The following GIT2 variants were observed in gnomAD, a reference collection of about 807,000 sequenced individuals.
GIT2 encodes GIT ArfGAP 2, also known as ARF GTPase-activating protein GIT2.
GIT2 carries 32 observed loss-of-function variants against 100.3 expected under a neutral mutation model. The ratio of observed to expected loss-of-function variants is 0.32; its 90% CI spans 0.24 to 0.43. The LOEUF (loss-of-function observed/expected upper bound fraction) is 0.43. Among genes scored for constraint, GIT2 ranks in the 20% least tolerant of loss-of-function variants. The probability of loss-of-function intolerance (pLI) is 1.00; values close to 1 mark genes in which losing one functional copy is unlikely to be tolerated. For missense variants in GIT2, 737 were observed against 975.1 expected (o/e 0.76, Z 3.25); for synonymous variants, 353 against 364.1 (o/e 0.97, Z 0.35).
In GIT2 at chr12:109,947,829, A is replaced by G. The variant is rs1478680299; in HGVS notation, c.1393-325T>C. The G allele has an allele frequency of 3.5e-6, 1 of 289,770 alleles. No homozygotes were observed. Among genetic ancestry groups the G allele is most frequent in the Admixed American group, 4.9e-5 (1 of 20,248 alleles). The allele number at this position is 289,770 out of a possible 1,614,324, so 17.9% of individuals were successfully genotyped here. Reference sequence around the variant, plus strand: ...GGAAATGTTTGCAGGCAAGCTGTACACTGGATTATTACTAAGGCTGTTTCA... The same window carrying G: ...GGAAATGTTTGCAGGCAAGCTGTACGCTGGATTATTACTAAGGCTGTTTCA... On this transcript the variant is annotated intron_variant, in intron 14 of 19. Coordinates refer to ENST00000355312, the MANE Select transcript of GIT2 (RefSeq NM_057169.5). This position sits in a 1 kb window ranked among gnomAD's most constrained non-coding sequence, Gnocchi z 4.3.
At position 109,957,949 on chromosome 12, in the gene GIT2, A is replaced by AT. The variant is rs879779164; in HGVS notation, c.1099+1897dup. 5.0e-3 allele frequency among the ~76,000 whole-genome samples: 724 copies of AT among 145,216 alleles called. 9 individuals carry two copies. The highest frequency in any genetic ancestry group is 0.017 in the African/African-American group (669 of 39,828). On this transcript the variant is annotated intron_variant, in intron 12 of 19. Coordinates refer to ENST00000355312, the MANE Select transcript of GIT2 (RefSeq NM_057169.5). ...TAAGACTTTGTTTTTTAAGTTAAAA[A>AT]TTTTTTTTTTTTTGAAAAGGAGTAT... is the stretch of plus-strand genomic sequence containing the variant.
At chr12:109,939,097 G>C (rs1873859677) in intron 17 of GIT2, 68 bp downstream of exon 17, 1 of 875,042 alleles carries the variant, frequency 1.1e-6, no homozygotes, top group Non-Finnish European at 2.0e-6. Context: ...TGCTTCTGCT[G>C]GCCCAGGCCT....
chr12:109,977,983 TG>T (rs1270184517), intron 7 of GIT2, among the ~76,000 whole-genome samples: 2 of 152,216 alleles, frequency 1.3e-5, no homozygotes, highest in Non-Finnish European at 2.9e-5. Flanking sequence ...AGTTTGATTT[TG>T]ATGTGTCTCA....
At chr12:109,939,857 CAG>C (rs1363155776) in intron 16 of GIT2, 1 of 152,358 alleles carries the variant, frequency 6.6e-6, no homozygotes, top group East Asian at 1.9e-4. Context: ...GCCTGGGAAA[CAG>C]AGTAAGATAA....
At chr12:109,968,468 G>C (rs956760938) in intron 7 of GIT2, among the ~76,000 whole-genome samples, 5 of 152,126 alleles carry the variant, frequency 3.3e-5, no homozygotes, top group African/African-American at 1.2e-4. Context: ...TTGTTGCCCA[G>C]GCTGGAGTGC....
chr12:109,967,170 C>A, intron 8 of GIT2: 1 of 599,474 alleles, frequency 1.7e-6, no homozygotes. Context: ...TCCTATAATA[C>A]AGAAGTATTC....
At chr12:109,994,583 T>G (rs762890864) in intron 1 of GIT2, among the ~76,000 whole-genome samples, 2 of 152,198 alleles carry the variant, frequency 1.3e-5, no homozygotes, top group Admixed American at 6.5e-5. Flanking sequence ...CTCAAGTCTC[T>G]GCAGATTAGG....
At chr12:109,973,592 G>A (rs1050083133) in intron 7 of GIT2, among the ~76,000 whole-genome samples, 4 of 151,806 alleles carry the variant, frequency 2.6e-5, no homozygotes, top group East Asian at 3.9e-4. Flanking sequence ...TTGATTTTTC[G>A]CTACTGTTTC....
Position 109,933,068 on chromosome 12 carries a change from C to G in GIT2, c.2190G>C (p.Leu730=), listed in dbSNP as rs1377325653. The G allele has an allele frequency of 1.2e-6, 2 of 1,613,728 alleles. No individual in the cohort carries two copies. The highest frequency in any genetic ancestry group is 3.3e-5 in the Admixed American group (2 of 60,018). Residue 730 remains leucine (L), a synonymous_variant, in exon 20 of 20, where the codon CTG becomes CTC. Coordinates refer to ENST00000355312, the MANE Select transcript of GIT2 (RefSeq NM_057169.5). This position sits in a 1 kb window ranked among gnomAD's most constrained non-coding sequence, Gnocchi z 4.5. ...GDPGSPTDVQ[L]VTQQVIQCAY... is the part of the protein sequence containing the mutation. ...CACACTGGATGACCTGCTGCGTGAC[C>G]AGCTGAACGTCTGTGGGTGAGCCGG...
At chr12:109,994,075 CAAAAAA>C (rs34393850) in intron 1 of GIT2, among the ~76,000 whole-genome samples, 1 of 59,692 alleles carries the variant, frequency 1.7e-5, no homozygotes. Context: ...ACACTAATGG[CAAAAAA>C]AAAAAAAAAA....
intron 12 of GIT2, among the ~76,000 whole-genome samples, chr12:109,959,154 G>A (rs989335024): frequency 2.7e-5 from 4 of 148,910 alleles, no homozygotes; most frequent in Admixed American, 1.4e-4. Context: ...TGCAACCTCC[G>A]CCTCCCAGGT....
intron 7 of GIT2, among the ~76,000 whole-genome samples, chr12:109,975,115 A>G (rs1884752294): frequency 6.6e-6 from 1 of 152,146 alleles, no homozygotes; most frequent in Non-Finnish European, 1.5e-5. Context: ...TACATGGTAT[A>G]TCTTTTTATA....
chr12:109,932,240 G>C lies in GIT2; in HGVS notation c.*738C>G, dbSNP rs1177236359. On this transcript the variant is annotated 3_prime_UTR_variant, in exon 20 of 20. Transcript: ENST00000355312. The stretch of plus-strand genomic sequence containing the variant: ...AGCACCTGACAATGGGTGGTGATGT[G>C]CGTGGAGCTCCTACCCTGAACATGG... 2 of 152,264 alleles carry C rather than the reference G, an allele frequency of 1.3e-5. No homozygotes were observed. The highest frequency in any genetic ancestry group is 4.8e-5 in the African/African-American group (2 of 41,468). The allele number at this position is 152,264 out of a possible 1,614,324, so 9.4% of individuals were successfully genotyped here. A position where few individuals can be genotyped will look rare whatever the true frequency, so the allele number is the denominator to read the frequency against.
intron 17 of GIT2, 26 bp downstream of exon 17, chr12:109,939,139 C>T (rs1329144899): frequency 3.9e-5 from 59 of 1,494,184 alleles, no homozygotes; most frequent in African/African-American, 1.1e-4. Context: ...AGCCCCTCCC[C>T]TGGCACGCTC....
rs767059062 is a variant in GIT2, at chr12:109,980,959, C to T, written c.711G>A (p.Arg237=). The change falls in exon 7 of 20, where the codon AGG becomes AGA. Residue 237 remains arginine, a synonymous_variant. Transcript: ENST00000355312. ...TDRLAFYLCG[R]KPDHKNGQHF... The stretch of plus-strand genomic sequence containing the variant: ...CATTCTCCATCCACTCACCTGGTTT[C>T]CTGCCACAGAGATAGAAGGCTAGTC... 6.2e-7 allele frequency: 1 copy of T among 1,600,700 alleles called. No individual in the cohort carries two copies. The highest frequency in any genetic ancestry group is 1.7e-5 in the Admixed American group (1 of 60,006).
rs575280799 is a variant in GIT2, at chr12:109,948,967, T to C, written c.1393-1463A>G. 8 of 660,238 alleles carry C rather than the reference T, an allele frequency of 1.2e-5. No homozygotes were observed. The Admixed American group carries it at 1.6e-4, about 13-fold the overall frequency. 40.9% of individuals were successfully genotyped at this position (660,238 alleles called of 1,614,324 possible). On this transcript the variant is annotated intron_variant, in intron 14 of 19. Transcript: ENST00000355312. The surrounding 1 kb of genome is among the most constrained non-coding windows in gnomAD (Gnocchi z 4.3). ...CTTTGCTAAATAAACAAATTCCATA[T>C]ACTTTATATTAATCATGCCAAACTG...
At chr12:109,992,527 G>C (rs1032029007) in intron 1 of GIT2, among the ~76,000 whole-genome samples, 3 of 152,160 alleles carry the variant, frequency 2.0e-5, no homozygotes, top group African/African-American at 7.2e-5. Flanking sequence ...CTAATTCACT[G>C]CTATGAATCA....
intron 18 of GIT2, 147 bp downstream of exon 18, chr12:109,938,233 A>G: frequency 1.8e-6 from 1 of 556,290 alleles, no homozygotes; most frequent in Non-Finnish European, 3.2e-6. Flanking sequence ...CAAAACTGAC[A>G]TTGTTCTTAA....
intron 18 of GIT2, among the ~76,000 whole-genome samples, chr12:109,937,912 AG>A (rs1184395945): frequency 7.9e-5 from 12 of 152,180 alleles, no homozygotes; most frequent in African/African-American, 2.9e-4. Flanking sequence ...CATATTGGTC[AG>A]ACTGGTCTCG....
Sources: allele counts gnomAD v4.1 joint callset (sites outside exome capture counted in the v4.1 genomes callset), GRCh38; gene constraint gnomAD v4.1.1; non-coding constraint Gnocchi (gnomAD v3.1); transcripts MANE v1.5; gene names NCBI Gene and HGNC (gene_info 2026-07-23, HGNC 2026-07-21).